The following USP6 variants were observed in gnomAD, a reference collection of about 807,000 sequenced individuals.
The protein encoded by USP6 is ubiquitin carboxyl-terminal hydrolase 6.
USP6 carries 128 observed loss-of-function variants against 175.7 expected under a neutral mutation model. That is an observed-to-expected ratio of 0.73 (90% CI 0.63 to 0.84). USP6 has a LOEUF of 0.84. Among genes scored for constraint, USP6 ranks in the 40% least tolerant of loss-of-function variants. The pLI, the probability that USP6 is intolerant of heterozygous loss-of-function variation, is 0.00. For missense variants in USP6, 1,498 were observed against 1,760.3 expected, an observed-to-expected ratio of 0.85 and a Z score of 2.67; for synonymous variants, 562 against 630.6, an observed-to-expected ratio of 0.89 and a Z score of 1.63.
intron 25 of USP6, among the ~76,000 whole-genome samples, chr17:5,143,419 C>A (rs2143972734): frequency 6.6e-6 from 1 of 152,238 alleles, no homozygotes; most frequent in East Asian, 1.9e-4. Flanking sequence ...AAGAAAAATT[C>A]TTCTGCCTTG....
intron 1 of USP6, among the ~76,000 whole-genome samples, chr17:5,117,892 A>G (rs2072570299): frequency 6.6e-6 from 1 of 152,094 alleles, no homozygotes; most frequent in Non-Finnish European, 1.5e-5. Flanking sequence ...GTTTAAGACC[A>G]GGCTGGCTAA....
rs372166876 is a variant in USP6 at position 5,137,632 on chromosome 17, A to G, written c.826-19A>G. On this transcript the variant is annotated intron_variant, in intron 19 of 37. Coordinates refer to ENST00000574788, the MANE Select transcript of USP6 (RefSeq NM_001304284.2). ...CAGCCTGGAAGGGCCAGGTTCTCTCATACCTGCTGTCCCCACAGATCTCTC... is the reference window on the plus strand; with the variant it reads ...CAGCCTGGAAGGGCCAGGTTCTCTCGTACCTGCTGTCCCCACAGATCTCTC... 1.9e-6 allele frequency: 3 copies of G among 1,600,780 alleles called. No individual in the cohort carries two copies. Among genetic ancestry groups the G allele is most frequent in the East Asian group, 2.3e-5 (1 of 44,140 alleles).
intron 21 of USP6, 167 bp from the exon 22 acceptor site, chr17:5,139,088 A>G (rs755798711): frequency 3.3e-5 from 52 of 1,594,674 alleles, no homozygotes; most frequent in Non-Finnish European, 4.0e-5. Flanking sequence ...CAGGCAGCAC[A>G]CACCCCTCCC....
rs773265436 is a variant in USP6, at chr17:5,136,737, G to A, written c.759+3G>A. The A allele has an allele frequency of 2.5e-6, 4 of 1,612,274 alleles. No individual in the cohort carries two copies. Among genetic ancestry groups the A allele is most frequent in the Admixed American group, 1.7e-5 (1 of 60,014 alleles). ...AACCCAAGACCATGTGGCATCAGGT[G>A]AGTTTATGGTCCCCTCGGCTCTTCT... On this transcript the variant is annotated splice_donor_region_variant and intron_variant, in intron 18 of 37. Coordinates refer to ENST00000574788, the MANE Select transcript of USP6 (RefSeq NM_001304284.2).
intron 24 of USP6, 89 bp downstream of exon 24, chr17:5,142,230 G>A: frequency 6.5e-7 from 1 of 1,548,122 alleles, no homozygotes; most frequent in Non-Finnish European, 8.7e-7. Context: ...CACCCTGCGG[G>A]AGAAAGATTT....
chr17:5,139,117 C>T (rs1416457328), intron 21 of USP6, 138 bp from the exon 22 acceptor site: 12 of 1,596,984 alleles, frequency 7.5e-6, no homozygotes, highest in South Asian at 2.2e-5. Context: ...CAGCAGACTA[C>T]AGGCGTGTCG....
rs1286179314 is a variant in USP6, at chr17:5,121,512, A to C, written c.-1537A>C. 1 of 210,010 alleles carries C rather than the reference A, an allele frequency of 4.8e-6. No homozygotes were observed. Among genetic ancestry groups the C allele is most frequent in the Non-Finnish European group, 9.6e-6 (1 of 103,928 alleles). 13.0% of individuals were successfully genotyped at this position (210,010 alleles called of 1,614,324 possible). ...AAGGTAGGGCCTCTGTCCCCTCCCC[A>C]CCCTGTACCTATCACCCCAGGGTGA... On this transcript the variant is annotated 5_prime_UTR_variant, in exon 4 of 38. Transcript: ENST00000574788.
chr17:5,134,052 G>A, intron 15 of USP6, 56 bp downstream of exon 15: 1 of 1,563,930 alleles, frequency 6.4e-7, no homozygotes, highest in Non-Finnish European at 8.8e-7. Context: ...GAGAGGGATG[G>A]GGACTTCCCC....
intron 33 of USP6, among the ~76,000 whole-genome samples, chr17:5,163,901 T>C (rs2074052460): frequency 6.6e-6 from 1 of 152,214 alleles, no homozygotes; most frequent in African/African-American, 2.4e-5. Flanking sequence ...TTCACATTCT[T>C]CTATTGTCGC....
In USP6 at chr17:5,137,654, T is replaced by G. The variant is rs1173099048; in HGVS notation, c.829T>G (p.Ser277Ala). 6.2e-7 allele frequency: 1 copy of G among 1,604,656 alleles called. No individual in the cohort carries two copies. The highest frequency in any genetic ancestry group is 1.7e-5 in the Admixed American group (1 of 59,706). The change falls in exon 20 of 38, where the codon TCT becomes GCT. Residue 277 changes from serine (S) to alanine (A), a missense_variant. Ser to Ala is a moderately conservative substitution (Grantham distance 99). This residue lies in a region of USP6 where 1,217 missense variants were observed against 1,500.8 expected (regional missense o/e 0.81). Transcript: ENST00000574788. ...CTCATACCTGCTGTCCCCACAGATC[T>G]CTCTCGGGCTCACCCTGCGCCTGTG... ...CLLRNLIDGI[S>A]LGLTLRLWDV...
At position 5,120,515 on chromosome 17, in the gene USP6, G is replaced by A. The variant is rs537422171; in HGVS notation, c.-1836-112G>A. The A allele has an allele frequency of 9.9e-4, 336 of 340,482 alleles. 1 individual carries two copies. The highest frequency in any genetic ancestry group is 1.7e-3 in the Non-Finnish European group (303 of 175,462). The allele number at this position is 340,482 out of a possible 1,614,324, so 21.1% of individuals were successfully genotyped here. A position where few individuals can be genotyped will look rare whatever the true frequency, so the allele number is the denominator to read the frequency against. ...AGGAGCTGTTGGCCTATCTGTGTCT[G>A]TCTGTCTGTCTGTCTGTCATCTGCA... On this transcript the variant is annotated intron_variant, in intron 2 of 37. Transcript: ENST00000574788.
At chr17:5,150,311 T>A (rs1468507303) in intron 30 of USP6, among the ~76,000 whole-genome samples, 1 of 147,636 alleles carries the variant, frequency 6.8e-6, no homozygotes, top group African/African-American at 2.5e-5. Flanking sequence ...AATAAATAAA[T>A]AAATAAATAA....
chr17:5,137,019 G>A (rs750643552), intron 18 of USP6, 102 bp from the exon 19 acceptor site: 81 of 1,328,614 alleles, frequency 6.1e-5, no homozygotes, highest in Non-Finnish European at 7.6e-5. Context: ...TCTGGACACC[G>A]CCCAGTGTTC....
intron 21 of USP6, chr17:5,138,955 G>A (rs1413883034): frequency 5.0e-6 from 7 of 1,412,132 alleles, no homozygotes; most frequent in Middle Eastern, 2.5e-4. Context: ...AGTTCTGATG[G>A]GGGGCCATAT....
At chr17:5,143,320 A>G (rs1360137480) in intron 25 of USP6, among the ~76,000 whole-genome samples, 1 of 152,248 alleles carries the variant, frequency 6.6e-6, no homozygotes, top group Admixed American at 6.5e-5. Context: ...AAAAGGGGGA[A>G]AGGTGGGGAA....
chr17:5,146,947 T>G (rs1256815135), intron 28 of USP6, 136 bp from the exon 29 acceptor site: 2 of 900,700 alleles, frequency 2.2e-6, no homozygotes, highest in Non-Finnish European at 3.3e-6. Context: ...TTTATGTAGT[T>G]GAAAAATTAT....
chr17:5,137,266 C>G, intron 19 of USP6, 80 bp downstream of exon 19: 1 of 1,554,436 alleles, frequency 6.4e-7, no homozygotes. Context: ...GGGGGTCTGG[C>G]TCACTCCCAG....
intron 34 of USP6, among the ~76,000 whole-genome samples, chr17:5,168,345 C>T (rs1252244389): frequency 7.2e-5 from 8 of 110,466 alleles, no homozygotes; most frequent in Admixed American, 7.1e-4. Flanking sequence ...AAGAAGAGAT[C>T]AATCATGTAG....
rs1449088272 is a variant in USP6, at chr17:5,145,910, C to A, written c.2168-113C>A. On this transcript the variant is annotated intron_variant, in intron 27 of 37. Coordinates refer to ENST00000574788, the MANE Select transcript of USP6 (RefSeq NM_001304284.2). ...AGTGTTTACCCATAAAATAAAAATT[C>A]TAGGCTGAAATATTTGCTATTATAT... is the stretch of plus-strand genomic sequence containing the variant. 2.2e-6 allele frequency: 3 copies of A among 1,354,296 alleles called. No homozygotes were observed. The African/African-American group carries it at 4.4e-5, about 20-fold the overall frequency. 83.9% of individuals were successfully genotyped at this position (1,354,296 alleles called of 1,614,324 possible).
Sources: gnomAD v4.1 joint callset for allele counts (sites outside exome capture counted in the v4.1 genomes callset) on GRCh38, gnomAD v4.1.1 for gene constraint, gnomAD v4.1.1 regional missense constraint, MANE v1.5 for transcripts, NCBI Gene and HGNC (gene_info 2026-07-23, HGNC 2026-07-21) for gene names.